Variants in DCC observed in about 807,000 individuals in gnomAD.
The protein encoded by DCC is DCC netrin 1 receptor, also known as netrin receptor DCC.
DCC carries 58 observed loss-of-function variants against 172.5 expected under a neutral mutation model. The ratio of observed to expected loss-of-function variants is 0.34; its 90% CI spans 0.27 to 0.42. The LOEUF (loss-of-function observed/expected upper bound fraction) is 0.42. DCC is among the 10% of genes least tolerant of loss of function. DCC has a pLI of 1.00. For synonymous variants in DCC, 709 were observed against 644.5 expected, an observed-to-expected ratio of 1.10 and a Z score of -1.52; for missense variants, 1,740 against 1,791.0, an observed-to-expected ratio of 0.97 and a Z score of 0.51.
chr18:53,289,017 T>C (rs7505394), intron 12 of DCC, among the ~76,000 whole-genome samples: 20,541 of 152,172 alleles, frequency 0.13, 1,833 homozygotes, highest in African/African-American at 0.24. Flanking sequence ...AGGAATGTTA[T>C]AGTCATTAAA....
chr18:52,928,986 G>C (rs11875500), intron 5 of DCC, among the ~76,000 whole-genome samples: 4 of 152,020 alleles, frequency 2.6e-5, no homozygotes, highest in Admixed American at 2.6e-4. Flanking sequence ...TAGGTGAAAG[G>C]AGTCTCTTCA....
intron 2 of DCC, among the ~76,000 whole-genome samples, chr18:52,862,005 C>T (rs938555142): frequency 6.6e-6 from 1 of 152,070 alleles, no homozygotes; most frequent in Admixed American, 6.6e-5. Flanking sequence ...TTTGTTGTAT[C>T]ATGGCATACG....
intron 8 of DCC, among the ~76,000 whole-genome samples, chr18:53,169,543 C>A (rs1182428528): frequency 6.6e-6 from 1 of 152,106 alleles, no homozygotes; most frequent in Non-Finnish European, 1.5e-5. Flanking sequence ...CACCACACTG[C>A]CAACTTAGAG....
chr18:52,799,700 G>T (rs915022108), intron 2 of DCC, among the ~76,000 whole-genome samples: 4 of 151,764 alleles, frequency 2.6e-5, no homozygotes, highest in Admixed American at 2.0e-4. Flanking sequence ...GTGCTAGGTT[G>T]GTTACTACAA....
At chr18:53,071,038 C>T (rs548761567) in intron 7 of DCC, among the ~76,000 whole-genome samples, 1 of 152,188 alleles carries the variant, frequency 6.6e-6, no homozygotes, top group African/African-American at 2.4e-5. Flanking sequence ...GCGTGCATTA[C>T]CCAGCTGTTC....
At chr18:52,405,301 T>C (rs1384517169) in intron 1 of DCC, among the ~76,000 whole-genome samples, 2 of 148,014 alleles carry the variant, frequency 1.4e-5, no homozygotes, top group African/African-American at 4.9e-5. Context: ...TGTTCCTATT[T>C]CTCCACATCC....
At chr18:52,433,688 G>A (rs1240956503) in intron 1 of DCC, among the ~76,000 whole-genome samples, 2 of 152,122 alleles carry the variant, frequency 1.3e-5, no homozygotes, top group Non-Finnish European at 2.9e-5. Context: ...GAGGTTATTG[G>A]TAATCTATTC....
At chr18:52,930,130 T>A (rs2040285326) in intron 5 of DCC, among the ~76,000 whole-genome samples, 1 of 152,062 alleles carries the variant, frequency 6.6e-6, no homozygotes, top group Non-Finnish European at 1.5e-5. Flanking sequence ...TTTCTTTTCT[T>A]TTTTTCTTCT....
intron 7 of DCC, among the ~76,000 whole-genome samples, chr18:53,139,669 T>C (rs2043801628): frequency 6.6e-6 from 1 of 152,190 alleles, no homozygotes; most frequent in South Asian, 2.1e-4. Context: ...CCACATTTTA[T>C]AGGTGAGGAA....
At chr18:52,915,259 C>A in intron 3 of DCC, among the ~76,000 whole-genome samples, 1 of 152,162 alleles carries the variant, frequency 6.6e-6, no homozygotes, top group African/African-American at 2.4e-5. Context: ...AGCATAAATT[C>A]TTGTTTACTC....
At chr18:52,360,374 A>G (rs912861838) in intron 1 of DCC, among the ~76,000 whole-genome samples, 1 of 152,240 alleles carries the variant, frequency 6.6e-6, no homozygotes, top group Admixed American at 6.5e-5. Flanking sequence ...CTAATGCCTT[A>G]CCTTAACAAG....
intron 28 of DCC, among the ~76,000 whole-genome samples, chr18:53,528,055 C>T (rs2046479205): frequency 6.6e-6 from 1 of 152,000 alleles, no homozygotes; most frequent in African/African-American, 2.4e-5. Flanking sequence ...AAATTTATAA[C>T]AATATCAAGG....
chr18:53,003,098 T>C (rs997885048), intron 5 of DCC, among the ~76,000 whole-genome samples: 1 of 152,062 alleles, frequency 6.6e-6, no homozygotes, highest in African/African-American at 2.4e-5. Context: ...TATAACCAGA[T>C]TCTAACTAAG....
At chr18:52,536,300 C>G (rs2032287589) in intron 1 of DCC, among the ~76,000 whole-genome samples, 1 of 152,098 alleles carries the variant, frequency 6.6e-6, no homozygotes, top group Non-Finnish European at 1.5e-5. Context: ...GTCCTGACCA[C>G]AGACATGGAG....
Position 53,530,551 on chromosome 18 carries a change from A to G in DCC, c.4255-13A>G. 3 of 1,416,936 alleles carry G rather than the reference A, an allele frequency of 2.1e-6. No individual in the cohort carries two copies. Among genetic ancestry groups the G allele is most frequent in the Non-Finnish European group, 3.0e-6 (3 of 1,000,138 alleles). 87.8% of individuals were successfully genotyped at this position (1,416,936 alleles called of 1,614,324 possible). A position where few individuals can be genotyped will look rare whatever the true frequency, so the allele number is the denominator to read the frequency against. The stretch of plus-strand genomic sequence containing the variant: ...TATTTGTTACTAACTCTTGGCTCTC[A>G]TTCTCTTTATAGGTGTATGAACAGG... On this transcript the variant is annotated splice_polypyrimidine_tract_variant and intron_variant, in intron 28 of 28. Coordinates refer to ENST00000442544, the MANE Select transcript of DCC (RefSeq NM_005215.4).
intron 15 of DCC, among the ~76,000 whole-genome samples, chr18:53,344,791 C>T (rs1333641364): frequency 6.7e-6 from 1 of 149,876 alleles, no homozygotes; most frequent in African/African-American, 2.5e-5. Flanking sequence ...TTGCATATTG[C>T]AGTAAGATTA....
chr18:53,463,941 AT>A (rs1249486515), intron 24 of DCC, among the ~76,000 whole-genome samples: 1 of 152,172 alleles, frequency 6.6e-6, no homozygotes, highest in East Asian at 1.9e-4. Flanking sequence ...TTGAGAGTTA[AT>A]TTTTTATTTT....
chr18:52,357,672 G>A (rs1298105096), intron 1 of DCC, among the ~76,000 whole-genome samples: 2 of 152,056 alleles, frequency 1.3e-5, no homozygotes, highest in African/African-American at 4.8e-5. Flanking sequence ...TGGTATACAA[G>A]GGGGAGGGGA....
At chr18:52,444,914 C>T (rs1421803119) in intron 1 of DCC, among the ~76,000 whole-genome samples, 1 of 152,198 alleles carries the variant, frequency 6.6e-6, no homozygotes, top group Non-Finnish European at 1.5e-5. Flanking sequence ...CAATTACAGA[C>T]ACACAGTGGA....
Sources: allele counts gnomAD v4.1 joint callset (sites outside exome capture counted in the v4.1 genomes callset), GRCh38; gene constraint gnomAD v4.1.1; transcripts MANE v1.5; gene names NCBI Gene and HGNC (gene_info 2026-07-23, HGNC 2026-07-21).